Variants in TRMT2B observed in about 807,000 individuals in gnomAD.
The protein encoded by TRMT2B is tRNA (uracil-5-)-methyltransferase homolog B.
TRMT2B carries 34 observed loss-of-function variants against 39.7 expected under a neutral mutation model. That is an observed-to-expected ratio of 0.86 (90% CI 0.65 to 1.14). The LOEUF is 1.14. Ranked by LOEUF, TRMT2B falls within the 50% of genes most tolerant of loss-of-function variation. The pLI, the probability that TRMT2B is intolerant of heterozygous loss-of-function variation, is 0.00. For synonymous variants in TRMT2B, 132 were observed against 137.3 expected (o/e 0.96, Z 0.27); for missense variants, 318 against 377.2 (o/e 0.84, Z 1.30).
At chrX:101,001,966 T>C in the TRMT2B span, among the ~76,000 whole-genome samples, 4 of 111,246 alleles carry the variant, frequency 3.6e-5, no homozygotes, top group Non-Finnish European at 5.7e-5. Context: ...GGTGTTTTTT[T>C]GTTTGTTTGC....
intron 7 of TRMT2B, among the ~76,000 whole-genome samples, chrX:101,032,776 CAAAA>C (rs749914577): frequency 3.5e-5 from 1 of 28,637 alleles, no homozygotes; most frequent in Non-Finnish European, 7.1e-5. Flanking sequence ...AACTCCGTCT[CAAAA>C]AAAAAAAAAA....
rs943241785 is a variant in TRMT2B, at chrX:101,051,407, C to T, written c.-180G>A. Reference sequence around the variant, plus strand: ...AAATGGGTTGACTGCTGTGTCGTGTCCCGAATGCAGCCCACAGGCAGTCAG... The same window carrying T: ...AAATGGGTTGACTGCTGTGTCGTGTTCCGAATGCAGCCCACAGGCAGTCAG... On this transcript the variant is annotated 5_prime_UTR_variant, in exon 2 of 14. Coordinates refer to ENST00000372936, the MANE Select transcript of TRMT2B (RefSeq NM_024917.6). 3 of 752,703 alleles carry T rather than the reference C, an allele frequency of 4.0e-6. No individual in the cohort carries two copies. The highest frequency in any genetic ancestry group is 4.6e-5 in the African/African-American group (2 of 43,230). 62.0% of individuals were successfully genotyped at this position (752,703 alleles called of 1,213,427 possible). A position where few individuals can be genotyped will look rare whatever the true frequency, so the allele number is the denominator to read the frequency against.
chrX:101,010,772 G>A (rs906317719), intron 13 of TRMT2B, 65 bp from the exon 14 acceptor site: 67 of 1,109,927 alleles, frequency 6.0e-5, no homozygotes, highest in Non-Finnish European at 7.9e-5. Context: ...GAATACAATT[G>A]CCTAAAATAG....
the TRMT2B span, among the ~76,000 whole-genome samples, chrX:101,000,515 C>G: frequency 2.7e-5 from 3 of 110,786 alleles, no homozygotes; most frequent in African/African-American, 9.8e-5. Context: ...TTCTACCACA[C>G]CCCCCAAAAT....
intron 4 of TRMT2B, among the ~76,000 whole-genome samples, chrX:101,039,558 T>A (rs1279549330): frequency 8.9e-6 from 1 of 111,831 alleles, no homozygotes; most frequent in Non-Finnish European, 1.9e-5. Flanking sequence ...ATTAAGAACC[T>A]AATAAAAACA....
chrX:101,003,431 C>T, the TRMT2B span, among the ~76,000 whole-genome samples: 62 of 108,685 alleles, frequency 5.7e-4, no homozygotes, highest in African/African-American at 1.1e-3. Flanking sequence ...TCACTGCAAC[C>T]GCCGCCTCCT....
In TRMT2B at chrX:101,009,493, CG is replaced by C. The variant is rs1431295275; in HGVS notation, c.*1087del. On this transcript the variant is annotated 3_prime_UTR_variant, in exon 14 of 14. Transcript: ENST00000372936. ...TCTCCAATAACCAATTCTTCCTCCA[CG>C]GGTGAGAGTTAATTGGTGCTATTGC... The C allele has an allele frequency of 1.6e-4, 17 of 108,485 alleles. No individual in the cohort carries two copies. Among genetic ancestry groups the C allele is most frequent in the African/African-American group, 5.4e-4 (16 of 29,800 alleles). 8.9% of individuals were successfully genotyped at this position (108,485 alleles called of 1,213,427 possible).
At chrX:101,043,848 GA>G (rs1329831057) in intron 2 of TRMT2B, among the ~76,000 whole-genome samples, 1 of 112,416 alleles carries the variant, frequency 8.9e-6, no homozygotes, top group Non-Finnish European at 1.9e-5. Context: ...AGATTTAAAA[GA>G]ATGTTCATGC....
At chrX:101,035,529 C>T in intron 7 of TRMT2B, 84 bp downstream of exon 7, 1 of 845,473 alleles carries the variant, frequency 1.2e-6, no homozygotes. Flanking sequence ...CTAGAATTGG[C>T]TCTATTATCA....
At chrX:101,004,145 C>T in the TRMT2B span, among the ~76,000 whole-genome samples, 1 of 111,311 alleles carries the variant, frequency 9.0e-6, no homozygotes, top group East Asian at 2.8e-4. Flanking sequence ...TGGAACTACA[C>T]GTGTGCACCA....
At chrX:100,976,931 G>A in the TRMT2B span, among the ~76,000 whole-genome samples, 3 of 112,576 alleles carry the variant, frequency 2.7e-5, no homozygotes, top group African/African-American at 6.5e-5. Flanking sequence ...ACAGATAATT[G>A]CCTAGGAAGG....
the TRMT2B span, chrX:100,988,308 A>G: frequency 8.3e-7 from 1 of 1,202,724 alleles, no homozygotes; most frequent in African/African-American, 1.7e-5. Flanking sequence ...AAATGTTAAT[A>G]TTCAGTGACC....
chrX:101,044,508 G>A (rs960123940), intron 2 of TRMT2B, among the ~76,000 whole-genome samples: 1 of 111,542 alleles, frequency 9.0e-6, no homozygotes, highest in Non-Finnish European at 1.9e-5. Flanking sequence ...AGATCACAAG[G>A]TCAGGAGTTC....
chrX:101,028,285 A>T (rs1226630970), intron 7 of TRMT2B, among the ~76,000 whole-genome samples: 2 of 108,504 alleles, frequency 1.8e-5, no homozygotes, highest in African/African-American at 3.3e-5. Context: ...CATCCGGCTA[A>T]TTTTTTTATT....
intron 2 of TRMT2B, among the ~76,000 whole-genome samples, chrX:101,047,892 A>G (rs2088789880): frequency 9.1e-6 from 1 of 109,498 alleles, no homozygotes; most frequent in South Asian, 4.0e-4. Flanking sequence ...CCTGGACTCA[A>G]CCAATCCTCC....
At chrX:101,001,324 C>T in the TRMT2B span, among the ~76,000 whole-genome samples, 9 of 110,617 alleles carry the variant, frequency 8.1e-5, no homozygotes. Flanking sequence ...GAGCCTCGAC[C>T]TCCCAGGCCC....
chrX:101,000,413 C>T, the TRMT2B span, among the ~76,000 whole-genome samples: 1 of 111,206 alleles, frequency 9.0e-6, no homozygotes, highest in African/African-American at 3.3e-5. Context: ...CGAGCCACCG[C>T]ACCCGGCCTG....
At chrX:100,993,050 A>G in the TRMT2B span, among the ~76,000 whole-genome samples, 1 of 112,177 alleles carries the variant, frequency 8.9e-6, no homozygotes. Flanking sequence ...AAACCATCCC[A>G]AGCACCTTAT....
chrX:100,985,657 C>T, the TRMT2B span: 1 of 1,201,914 alleles, frequency 8.3e-7, no homozygotes, highest in East Asian at 3.0e-5. Flanking sequence ...CTCTTTTCCC[C>T]TATGCACAGT....
Sources: gnomAD v4.1 joint callset for allele counts (sites outside exome capture counted in the v4.1 genomes callset) on GRCh38, gnomAD v4.1.1 for gene constraint, MANE v1.5 for transcripts, NCBI Gene and HGNC (gene_info 2026-07-23, HGNC 2026-07-21) for gene names.